Variants in GNA13 observed in about 807,000 individuals in gnomAD.
GNA13 encodes guanine nucleotide-binding protein subunit alpha-13.
In GNA13, 4 loss-of-function variants were observed where a neutral mutation model predicts 33.5. The ratio of observed to expected loss-of-function variants is 0.12; its 90% CI spans 0.06 to 0.27. The LOEUF (loss-of-function observed/expected upper bound fraction) is 0.27, where lower values mean the gene tolerates loss of function less well. Among genes scored for constraint, GNA13 ranks in the 10% least tolerant of loss-of-function variants. The pLI, the probability that GNA13 is intolerant of heterozygous loss-of-function variation, is 1.00. For missense variants in GNA13, 319 were observed against 487.2 expected, an observed-to-expected ratio of 0.65 and a Z score of 3.25; for synonymous variants, 176 against 183.8, an observed-to-expected ratio of 0.96 and a Z score of 0.34.
Position 65,013,555 on chromosome 17 carries a change from C to T in GNA13, c.*702G>A, listed in dbSNP as rs1386635308. On this transcript the variant is annotated 3_prime_UTR_variant, in exon 4 of 4. Transcript: ENST00000439174. ...TTTCACTCGTTACGTTTGACCAAAA[C>T]ACGGTAAACAGCATTAGCTTGCCTT... is the stretch of plus-strand genomic sequence containing the variant. 1 of 218,612 alleles carries T rather than the reference C, an allele frequency of 4.6e-6. No homozygotes were observed. The highest frequency in any genetic ancestry group is 1.8e-4 in the South Asian group (1 of 5,418). 13.5% of individuals were successfully genotyped at this position (218,612 alleles called of 1,614,324 possible).
chr17:65,028,086 C>T (rs867421449), intron 2 of GNA13, among the ~76,000 whole-genome samples: 2 of 152,116 alleles, frequency 1.3e-5, no homozygotes, highest in Non-Finnish European at 2.9e-5. Flanking sequence ...ATCAGCCGGG[C>T]GCGGTGGCGG....
At chr17:65,038,105 A>G (rs1477873413) in intron 2 of GNA13, among the ~76,000 whole-genome samples, 1 of 152,176 alleles carries the variant, frequency 6.6e-6, no homozygotes, top group African/African-American at 2.4e-5. Flanking sequence ...AATATCGTTA[A>G]GTCAAAAACA....
chr17:65,025,551 G>A (rs1447344850), intron 2 of GNA13, among the ~76,000 whole-genome samples: 2 of 152,168 alleles, frequency 1.3e-5, no homozygotes, highest in Non-Finnish European at 2.9e-5. Flanking sequence ...TTATCGTTAA[G>A]TGCTACTTAT....
At chr17:65,031,915 AGAGAGAGT>A (rs1907047879) in intron 2 of GNA13, among the ~76,000 whole-genome samples, 12 of 131,440 alleles carry the variant, frequency 9.1e-5, no homozygotes, top group South Asian at 4.6e-4. Flanking sequence ...AGAGAGAGAG[AGAGAGAGT>A]GTGTGTGTGT....
intron 2 of GNA13, among the ~76,000 whole-genome samples, chr17:65,045,501 C>T (rs1907626286): frequency 1.1e-5 from 1 of 87,138 alleles, no homozygotes; most frequent in East Asian, 4.3e-4. Context: ...GATCAAGACT[C>T]TGTCTCAAAA....
At chr17:65,043,791 G>T (rs987973724) in intron 2 of GNA13, among the ~76,000 whole-genome samples, 1 of 152,142 alleles carries the variant, frequency 6.6e-6, no homozygotes, top group Non-Finnish European at 1.5e-5. Flanking sequence ...CTGCAGAGTA[G>T]ATGGGGATGA....
Position 65,046,447 on chromosome 17 carries a change from C to T in GNA13, c.510+7055G>A, listed in dbSNP as rs867385010. 4.6e-5 allele frequency among the ~76,000 whole-genome samples: 7 copies of T among 152,188 alleles called. No individual in the cohort carries two copies. In the South Asian group the frequency reaches 8.3e-4, roughly 18 times the overall value. Reference sequence around the variant, plus strand: ...GTGGGACTACAGGCACGTGCCACTGCGCTTGGCTAATTTTTAAAATTATTT... The same window carrying T: ...GTGGGACTACAGGCACGTGCCACTGTGCTTGGCTAATTTTTAAAATTATTT... On this transcript the variant is annotated intron_variant, in intron 2 of 3. Coordinates refer to ENST00000439174, the MANE Select transcript of GNA13 (RefSeq NM_006572.6).
chr17:65,013,560 T>C lies in GNA13; in HGVS notation c.*697A>G. 4.6e-6 allele frequency: 1 copy of C among 219,186 alleles called. No individual in the cohort carries two copies. The highest frequency in any genetic ancestry group is 6.8e-5 in the East Asian group (1 of 14,806). 13.6% of individuals were successfully genotyped at this position (219,186 alleles called of 1,614,324 possible). A position where few individuals can be genotyped will look rare whatever the true frequency, so the allele number is the denominator to read the frequency against. On this transcript the variant is annotated 3_prime_UTR_variant, in exon 4 of 4. Coordinates refer to ENST00000439174, the MANE Select transcript of GNA13 (RefSeq NM_006572.6). ...CTCGTTACGTTTGACCAAAACACGG[T>C]AAACAGCATTAGCTTGCCTTTTGCT... is the stretch of plus-strand genomic sequence containing the variant.
chr17:65,043,625 C>T (rs1598496533), intron 2 of GNA13, among the ~76,000 whole-genome samples: 1 of 152,078 alleles, frequency 6.6e-6, no homozygotes, highest in East Asian at 1.9e-4. Context: ...AAGATAAAAG[C>T]TTTTAAAAAG....
chr17:65,031,893 A>AAAGAGAGAGG (rs1284781178), intron 2 of GNA13, among the ~76,000 whole-genome samples: 1 of 130,926 alleles, frequency 7.6e-6, no homozygotes, highest in Non-Finnish European at 1.6e-5. Context: ...AGAGAGAGAG[A>AAAGAGAGAGG]GAAAGAGAGA....
chr17:65,029,966 C>T (rs1411040318), intron 2 of GNA13, among the ~76,000 whole-genome samples: 1 of 152,046 alleles, frequency 6.6e-6, no homozygotes, highest in Non-Finnish European at 1.5e-5. Flanking sequence ...ATGTACATGG[C>T]AAAGATCTTC....
intron 2 of GNA13, among the ~76,000 whole-genome samples, chr17:65,018,895 T>G (rs948245016): frequency 7.2e-5 from 11 of 152,116 alleles, no homozygotes; most frequent in Non-Finnish European, 2.9e-5. Flanking sequence ...CGACGAAACT[T>G]CCAAGCAATT....
chr17:65,026,132 A>G lies in GNA13; in HGVS notation c.511-7829T>C, dbSNP rs544275127. 1.5e-4 allele frequency among the ~76,000 whole-genome samples: 23 copies of G among 151,804 alleles called. No homozygotes were observed. In the South Asian group the frequency reaches 4.8e-3, roughly 32 times the overall value. On this transcript the variant is annotated intron_variant, in intron 2 of 3. Coordinates refer to ENST00000439174, the MANE Select transcript of GNA13 (RefSeq NM_006572.6). ...ATATATTAGTTAATCATCACTAAAA[A>G]CCCAAAAACTATACAATTTTCTATA...
intron 2 of GNA13, among the ~76,000 whole-genome samples, chr17:65,035,826 TAAAAAG>T (rs1052317134): frequency 6.6e-6 from 1 of 151,912 alleles, no homozygotes; most frequent in African/African-American, 2.4e-5. Flanking sequence ...CTTCAATTGT[TAAAAAG>T]AAAAAAAGTA....
chr17:65,033,268 T>C (rs1375256022), intron 2 of GNA13, among the ~76,000 whole-genome samples: 1 of 151,494 alleles, frequency 6.6e-6, no homozygotes, highest in African/African-American at 2.4e-5. Context: ...GAGGATCGTT[T>C]GAGCCCAGGA....
intron 2 of GNA13, among the ~76,000 whole-genome samples, chr17:65,026,646 A>T (rs1906794189): frequency 6.6e-6 from 1 of 152,212 alleles, no homozygotes; most frequent in Admixed American, 6.5e-5. Flanking sequence ...ATCATTCAAG[A>T]TCTAATATAG....
intron 2 of GNA13, among the ~76,000 whole-genome samples, chr17:65,035,949 G>A (rs1359176607): frequency 2.6e-5 from 4 of 152,156 alleles, no homozygotes; most frequent in Non-Finnish European, 5.9e-5. Flanking sequence ...CGAAGTCCTC[G>A]TGAACGCACT....
rs1567815078 is a variant in GNA13 at position 65,012,483 on chromosome 17, G to A, written c.*1774C>T. On this transcript the variant is annotated 3_prime_UTR_variant, in exon 4 of 4. Coordinates refer to ENST00000439174, the MANE Select transcript of GNA13 (RefSeq NM_006572.6). Reference sequence around the variant, plus strand: ...ATACCATGATACCACGAACATGCACGATACCATGAACTTGCATCACGGTGC... The same window carrying A: ...ATACCATGATACCACGAACATGCACAATACCATGAACTTGCATCACGGTGC... 9.1e-6 allele frequency: 2 copies of A among 219,042 alleles called. No individual in the cohort carries two copies. The highest frequency in any genetic ancestry group is 6.7e-5 in the East Asian group (1 of 14,972). The allele number at this position is 219,042 out of a possible 1,614,324, so 13.6% of individuals were successfully genotyped here.
chr17:65,028,096 G>C (rs1906860678), intron 2 of GNA13, among the ~76,000 whole-genome samples: 1 of 152,158 alleles, frequency 6.6e-6, no homozygotes, highest in South Asian at 2.1e-4. Context: ...CGCGGTGGCG[G>C]GTGCCTGTAG....
Sources: gnomAD v4.1 joint callset for allele counts (sites outside exome capture counted in the v4.1 genomes callset) on GRCh38, gnomAD v4.1.1 for gene constraint, MANE v1.5 for transcripts, NCBI Gene and HGNC (gene_info 2026-07-23, HGNC 2026-07-21) for gene names.